The following DOCK10 variants were observed in gnomAD, a reference collection of about 807,000 sequenced individuals.
DOCK10 encodes dedicator of cytokinesis 10, also known as dedicator of cytokinesis protein 10.
A neutral mutation model predicts 280.1 loss-of-function variants in DOCK10; 145 were observed. That is an observed-to-expected ratio of 0.52 (90% confidence interval 0.45 to 0.59). The LOEUF (loss-of-function observed/expected upper bound fraction) is 0.59. DOCK10 is among the 20% of genes least tolerant of loss of function. The probability of loss-of-function intolerance (pLI) is 0.00; values close to 1 mark genes in which losing one functional copy is unlikely to be tolerated. For missense variants in DOCK10, 2,368 were observed against 2,651.7 expected, an observed-to-expected ratio of 0.89 and a Z score of 2.35; for synonymous variants, 915 against 942.2, an observed-to-expected ratio of 0.97 and a Z score of 0.53.
chr2:224,943,249 G>A (rs1703194120), intron 1 of DOCK10, among the ~76,000 whole-genome samples: 1 of 152,020 alleles, frequency 6.6e-6, no homozygotes, highest in Admixed American at 6.6e-5. Flanking sequence ...GTGATAAGTG[G>A]CATTTCTCAG....
intron 1 of DOCK10, among the ~76,000 whole-genome samples, chr2:224,936,868 G>C (rs539685083): frequency 9.2e-5 from 14 of 152,054 alleles, no homozygotes; most frequent in Non-Finnish European, 1.8e-4. Flanking sequence ...GAAACACTGG[G>C]GAGTTATTTG....
At chr2:224,795,889 T>A (rs1692536676) in intron 44 of DOCK10, among the ~76,000 whole-genome samples, 2 of 152,114 alleles carry the variant, frequency 1.3e-5, no homozygotes, top group African/African-American at 2.4e-5. Flanking sequence ...TTATGGTAAA[T>A]CCTCTTGTTC....
At chr2:224,858,408 C>T (rs924934056) in intron 14 of DOCK10, among the ~76,000 whole-genome samples, 1 of 151,894 alleles carries the variant, frequency 6.6e-6, no homozygotes, top group African/African-American at 2.4e-5. Flanking sequence ...CCTGTAATCC[C>T]GGCACTTTGG....
intron 1 of DOCK10, among the ~76,000 whole-genome samples, chr2:224,981,835 T>TA (rs1326094657): frequency 6.6e-6 from 1 of 152,214 alleles, no homozygotes; most frequent in African/African-American, 2.4e-5. Flanking sequence ...ATGTGATTTT[T>TA]AAAAAACGCC....
chr2:224,823,700 C>T lies in DOCK10; in HGVS notation c.3037-53G>A, dbSNP rs1694660680. 2.0e-5 allele frequency: 30 copies of T among 1,468,238 alleles called. 1 individual carries two copies. The highest frequency in any genetic ancestry group is 8.3e-5 in the South Asian group (6 of 71,890). The allele number at this position is 1,468,238 out of a possible 1,614,324, so 91.0% of individuals were successfully genotyped here. Reference sequence around the variant, plus strand: ...TAATGTGGCATGTGAAATATTAAGCCGAGGAAGTATCAACTGAAATATTTA... The same window carrying T: ...TAATGTGGCATGTGAAATATTAAGCTGAGGAAGTATCAACTGAAATATTTA... On this transcript the variant is annotated intron_variant, in intron 27 of 55. Coordinates refer to ENST00000258390, the MANE Select transcript of DOCK10 (RefSeq NM_014689.3).
intron 1 of DOCK10, among the ~76,000 whole-genome samples, chr2:224,951,879 A>G (rs1351023923): frequency 6.6e-6 from 1 of 152,200 alleles, no homozygotes; most frequent in Admixed American, 6.5e-5. Context: ...TCTGTCAGCC[A>G]GGGGTTATTC....
At chr2:224,818,398 C>CT (rs386392783) in intron 29 of DOCK10, among the ~76,000 whole-genome samples, 4,353 of 126,404 alleles carry the variant, frequency 0.034, 236 homozygotes, top group African/African-American at 0.082. Context: ...TGGCCCCTGC[C>CT]TTTTTTTTTT....
chr2:224,957,285 G>GCTC (rs1553622525), intron 1 of DOCK10, among the ~76,000 whole-genome samples: 2 of 118,614 alleles, frequency 1.7e-5, no homozygotes, highest in Non-Finnish European at 3.6e-5. Context: ...TTTACTTTCC[G>GCTC]CCCCCCCCCG....
At chr2:225,023,386 T>G (rs573864116) in intron 1 of DOCK10, among the ~76,000 whole-genome samples, 3 of 152,150 alleles carry the variant, frequency 2.0e-5, no homozygotes, top group African/African-American at 7.2e-5. Flanking sequence ...ATTTGCAATA[T>G]GAATGCAAAT....
At chr2:224,908,415 T>TGTGTG (rs1700803310) in intron 3 of DOCK10, among the ~76,000 whole-genome samples, 1 of 141,078 alleles carries the variant, frequency 7.1e-6, no homozygotes, top group African/African-American at 2.6e-5. Flanking sequence ...TCATCATCGT[T>TGTGTG]TGTGTGTGTG....
intron 2 of DOCK10, among the ~76,000 whole-genome samples, chr2:224,920,021 G>T (rs988677909): frequency 5.3e-5 from 8 of 152,080 alleles, no homozygotes; most frequent in Admixed American, 5.2e-4. Context: ...CCGTTGCTTT[G>T]CATGCAAAGT....
intron 1 of DOCK10, among the ~76,000 whole-genome samples, chr2:224,952,219 T>C (rs979732839): frequency 6.6e-6 from 1 of 152,214 alleles, no homozygotes; most frequent in Non-Finnish European, 1.5e-5. Context: ...GTCTTTAAAA[T>C]ACAGTCTACT....
chr2:224,824,688 C>G (rs1189764478), intron 27 of DOCK10, among the ~76,000 whole-genome samples: 1 of 151,844 alleles, frequency 6.6e-6, no homozygotes, highest in Admixed American at 6.6e-5. Context: ...CTTGCCTTGG[C>G]CTCCCAAACT....
intron 1 of DOCK10, among the ~76,000 whole-genome samples, chr2:225,035,623 T>A (rs1690238209): frequency 1.6e-5 from 2 of 126,218 alleles, no homozygotes; most frequent in South Asian, 5.0e-4. Context: ...GTTGTATTAG[T>A]CAGTGCGGGC....
rs546721332 is a variant in DOCK10 at position 224,820,910 on chromosome 2, C to A, written c.3184-1381G>T. Among the ~76,000 whole-genome samples the A allele has an allele frequency of 1.6e-3, 244 of 152,290 alleles. 2 individuals are homozygous for A. The highest frequency in any genetic ancestry group is 5.7e-3 in the African/African-American group (238 of 41,554). ...CGAATGGGCTAAAAGATACGGCTAT[C>A]CAATCAGCAAAATAAAAATCAGAAT... On this transcript the variant is annotated intron_variant, in intron 28 of 55. Coordinates refer to ENST00000258390, the MANE Select transcript of DOCK10 (RefSeq NM_014689.3).
At chr2:224,983,556 G>C (rs1168772362) in intron 1 of DOCK10, 2 of 295,590 alleles carry the variant, frequency 6.8e-6, no homozygotes, top group African/African-American at 2.2e-5. Context: ...CGTGAAGGGT[G>C]CTGCAGGAAG....
chr2:225,024,432 G>A (rs1177940269), intron 1 of DOCK10, among the ~76,000 whole-genome samples: 1 of 152,206 alleles, frequency 6.6e-6, no homozygotes, highest in African/African-American at 2.4e-5. Context: ...TGTATGTGTA[G>A]AGAGAGAATG....
At chr2:225,030,807 G>A (rs1370424049) in intron 1 of DOCK10, among the ~76,000 whole-genome samples, 2 of 152,062 alleles carry the variant, frequency 1.3e-5, no homozygotes, top group African/African-American at 4.8e-5. Context: ...TTTATACAAT[G>A]TATTGTATAA....
In DOCK10 at chr2:224,988,173, C is replaced by G. The variant is rs145005945; in HGVS notation, c.123+54079G>C. On this transcript the variant is annotated intron_variant, in intron 1 of 55. Transcript: ENST00000258390. Reference sequence around the variant, plus strand: ...GGTGATACTGCCCTGGAAAAGCCTCCCCTAACGGGCATTGCTTCACAGCCC... The same window carrying G: ...GGTGATACTGCCCTGGAAAAGCCTCGCCTAACGGGCATTGCTTCACAGCCC... Among the ~76,000 whole-genome samples, 799 of 152,258 alleles carry G rather than the reference C, an allele frequency of 5.2e-3. 6 individuals carry two copies. The highest frequency in any genetic ancestry group is 0.018 in the African/African-American group (754 of 41,558).
Sources: gnomAD v4.1 joint callset for allele counts (sites outside exome capture counted in the v4.1 genomes callset) on GRCh38, gnomAD v4.1.1 for gene constraint, MANE v1.5 for transcripts, NCBI Gene and HGNC (gene_info 2026-07-23, HGNC 2026-07-21) for gene names.